Variants in ATG4C observed in about 807,000 individuals in gnomAD.
ATG4C encodes cysteine protease ATG4C.
ATG4C carries 56 observed loss-of-function variants against 57.6 expected under a neutral mutation model. The observed-to-expected ratio is 0.97, with a 90% CI of 0.78 to 1.21. ATG4C has a LOEUF of 1.21. Among genes scored for constraint, ATG4C ranks in the 50% most tolerant of loss-of-function variants. The pLI is 0.00. For synonymous variants in ATG4C, 157 were observed against 174.1 expected, an observed-to-expected ratio of 0.90 and a Z score of 0.78; for missense variants, 595 against 529.8, an observed-to-expected ratio of 1.12 and a Z score of -1.21.
intron 3 of ATG4C, among the ~76,000 whole-genome samples, chr1:62,809,409 G>A (rs556451781): frequency 6.8e-6 from 1 of 146,910 alleles, no homozygotes; most frequent in Non-Finnish European, 1.5e-5. Flanking sequence ...ATATACATAT[G>A]TGTATATAAA....
chr1:62,805,208 A>G lies in ATG4C; in HGVS notation c.113A>G (p.Asn38Ser), dbSNP rs1664818713. The change falls in exon 3 of 11, where the codon AAT becomes AGT. Residue 38 changes from asparagine (N) to serine (S), a missense_variant. Asn to Ser is a conservative substitution (Grantham distance 46). Transcript: ENST00000317868. ...AAAACAAAGACGTATTTTAGTAGAA[A>G]TTCTCCTGTATTATTGCTTGGAAAA... The part of the protein sequence containing the change: ...VLKTKTYFSR[N>S]SPVLLLGKCY... 1 of 1,525,838 alleles carries G rather than the reference A, an allele frequency of 6.6e-7. No homozygotes were observed. The highest frequency in any genetic ancestry group is 2.6e-5 in the East Asian group (1 of 38,906). 94.5% of individuals were successfully genotyped at this position (1,525,838 alleles called of 1,614,324 possible).
chr1:62,804,078 T>TAA (rs1557963145), intron 2 of ATG4C, among the ~76,000 whole-genome samples: 1 of 147,154 alleles, frequency 6.8e-6, no homozygotes, highest in Non-Finnish European at 1.5e-5. Context: ...TACGATGTGG[T>TAA]CTCCTTTTTT....
chr1:62,834,700 A>G, intron 8 of ATG4C, 76 bp from the exon 9 acceptor site: 2 of 1,217,022 alleles, frequency 1.6e-6, no homozygotes, highest in Non-Finnish European at 2.4e-6. Context: ...CAGCTGTTCT[A>G]CATAGAAATT....
chr1:62,792,673 T>C (rs1374955061), intron 1 of ATG4C, among the ~76,000 whole-genome samples: 1 of 152,222 alleles, frequency 6.6e-6, no homozygotes, highest in African/African-American at 2.4e-5. Flanking sequence ...CATCAGGCTT[T>C]TACATTTATA....
chr1:62,841,377 A>G (rs1416129399), intron 9 of ATG4C, 51 bp from the exon 10 acceptor site: 18 of 1,449,138 alleles, frequency 1.2e-5, no homozygotes, highest in Middle Eastern at 1.8e-4. Flanking sequence ...AGTTTTATAT[A>G]TACTTGTCTA....
rs139418845 is a variant in ATG4C at position 62,826,497 on chromosome 1, A to G, written c.797-2543A>G. On this transcript the variant is annotated intron_variant, in intron 6 of 10. Transcript: ENST00000317868. Reference sequence around the variant, plus strand: ...GTGATCTGCCCACCTCAGCCTCCCAAAGTGCTGGGATTACAGGCGTGAGCT... The same window carrying G: ...GTGATCTGCCCACCTCAGCCTCCCAGAGTGCTGGGATTACAGGCGTGAGCT... Among the ~76,000 whole-genome samples, 831 of 151,606 alleles carry G rather than the reference A, an allele frequency of 5.5e-3. 6 individuals carry two copies. The highest frequency in any genetic ancestry group is 0.019 in the African/African-American group (796 of 41,312).
At chr1:62,809,120 G>A (rs919718115) in intron 3 of ATG4C, among the ~76,000 whole-genome samples, 2 of 151,624 alleles carry the variant, frequency 1.3e-5, no homozygotes, top group South Asian at 2.1e-4. Flanking sequence ...TTTATTTTTT[G>A]TAGAGACAGG....
rs559101300 is a variant in ATG4C, at chr1:62,836,678, T to A, written c.1089+1826T>A. 6.6e-5 allele frequency among the ~76,000 whole-genome samples: 10 copies of A among 152,214 alleles called. No homozygotes were observed. The South Asian group carries it at 2.1e-3, about 32-fold the overall frequency. On this transcript the variant is annotated intron_variant, in intron 9 of 10. Coordinates refer to ENST00000317868, the MANE Select transcript of ATG4C (RefSeq NM_032852.4). ...TAGCTAGTGAAATTATGTAGTTGAT[T>A]AATGTAAAAAATTATATGCATATTC...
At chr1:62,810,810 G>C (rs1665060686) in intron 3 of ATG4C, among the ~76,000 whole-genome samples, 1 of 151,762 alleles carries the variant, frequency 6.6e-6, no homozygotes, top group Non-Finnish European at 1.5e-5. Context: ...CATTTCAGTG[G>C]ACAAGCTAGA....
At chr1:62,852,483 C>T (rs915849152) in intron 10 of ATG4C, among the ~76,000 whole-genome samples, 1 of 151,752 alleles carries the variant, frequency 6.6e-6, no homozygotes, top group African/African-American at 2.4e-5. Context: ...TGTAGACATT[C>T]TTTGTTATTT....
intron 3 of ATG4C, among the ~76,000 whole-genome samples, chr1:62,813,583 G>T (rs558581591): frequency 6.6e-6 from 1 of 152,100 alleles, no homozygotes. Context: ...GGCAACAAAA[G>T]CCAAAATTGA....
chr1:62,813,351 T>C (rs972034549), intron 3 of ATG4C, among the ~76,000 whole-genome samples: 9 of 152,072 alleles, frequency 5.9e-5, no homozygotes, highest in African/African-American at 1.9e-4. Context: ...AAATGGGGAA[T>C]GGATTCCCTA....
At position 62,803,161 on chromosome 1, in the gene ATG4C, CTGTT is replaced by C. The variant is rs762736623; in HGVS notation, c.-68-552_-68-549del. 2.6e-5 allele frequency among the ~76,000 whole-genome samples: 4 copies of C among 152,122 alleles called. No individual in the cohort carries two copies. The East Asian group carries it at 5.8e-4, about 22-fold the overall frequency. On this transcript the variant is annotated intron_variant, in intron 1 of 10. Transcript: ENST00000317868. ...TTTTCCGTTATAAATTTAAGCCGTT[CTGTT>C]TGTTTAAGTGCTGCAGTATGGAGAT...
At chr1:62,829,400 A>G (rs1048412726) in intron 7 of ATG4C, among the ~76,000 whole-genome samples, 3 of 152,146 alleles carry the variant, frequency 2.0e-5, no homozygotes, top group Non-Finnish European at 2.9e-5. Flanking sequence ...TAATCTTTGT[A>G]GCTAATCAGG....
At chr1:62,818,340 T>C (rs1244255874) in intron 4 of ATG4C, among the ~76,000 whole-genome samples, 4 of 152,176 alleles carry the variant, frequency 2.6e-5, no homozygotes, top group Admixed American at 2.6e-4. Flanking sequence ...TCTGAAGATA[T>C]CTTCTTATGA....
chr1:62,807,239 G>A (rs1019032356), intron 3 of ATG4C, among the ~76,000 whole-genome samples: 1 of 152,112 alleles, frequency 6.6e-6, no homozygotes, highest in African/African-American at 2.4e-5. Context: ...AGCGGTAGGG[G>A]TGCTAGGAAC....
rs543580408 is a variant in ATG4C at position 62,835,912 on chromosome 1, G to A, written c.1089+1060G>A. Among the ~76,000 whole-genome samples, 11 of 152,188 alleles carry A rather than the reference G, an allele frequency of 7.2e-5. No homozygotes were observed. In the South Asian group the frequency reaches 1.2e-3, roughly 17 times the overall value. On this transcript the variant is annotated intron_variant, in intron 9 of 10. Coordinates refer to ENST00000317868, the MANE Select transcript of ATG4C (RefSeq NM_032852.4). ...TCTCTTTCTGCCTTGTGGTCTTGTA[G>A]CACTGATTCTTGTGTCCAAGTTACA...
In ATG4C at chr1:62,828,595, A is replaced by G. The variant is rs374460103; in HGVS notation, c.797-445A>G. On this transcript the variant is annotated intron_variant, in intron 6 of 10. Coordinates refer to ENST00000317868, the MANE Select transcript of ATG4C (RefSeq NM_032852.4). ...GTTTGCAAATATTTTCTCACATTCA[A>G]TAGGTTATCTGTTTACTATTTTGAT... Among the ~76,000 whole-genome samples the G allele has an allele frequency of 6.1e-4, 93 of 152,174 alleles. 1 individual carries two copies. The South Asian group carries it at 0.016, about 26-fold the overall frequency.
At chr1:62,860,684 A>T (rs1666824556) in intron 10 of ATG4C, among the ~76,000 whole-genome samples, 1 of 152,244 alleles carries the variant, frequency 6.6e-6, no homozygotes, top group Non-Finnish European at 1.5e-5. Flanking sequence ...CAATTTAAAG[A>T]CTTGTTAAAG....
Sources: gnomAD v4.1 joint callset for allele counts (sites outside exome capture counted in the v4.1 genomes callset) on GRCh38, gnomAD v4.1.1 for gene constraint, MANE v1.5 for transcripts, NCBI Gene and HGNC (gene_info 2026-07-23, HGNC 2026-07-21) for gene names.